Variants in CCDC7 observed in about 807,000 individuals in gnomAD.
CCDC7 encodes the protein coiled-coil domain-containing protein 7.
CCDC7 carries 183 observed loss-of-function variants against 196.9 expected under a neutral mutation model. The observed-to-expected ratio is 0.93, with a 90% CI of 0.82 to 1.05. The LOEUF (loss-of-function observed/expected upper bound fraction) is 1.05. Among genes scored for constraint, CCDC7 ranks in the 50% least tolerant of loss-of-function variants. CCDC7 has a pLI of 0.00. For missense variants in CCDC7, 1,540 were observed against 1,482.2 expected (o/e 1.04, Z -0.64); for synonymous variants, 525 against 484.6 (o/e 1.08, Z -1.10).
chr10:32,682,930 C>A (rs56310229), intron 21 of CCDC7, among the ~76,000 whole-genome samples: 1 of 152,002 alleles, frequency 6.6e-6, no homozygotes, highest in Non-Finnish European at 1.5e-5. Context: ...AATATTTTCT[C>A]CTATTCTGTA....
intron 13 of CCDC7, among the ~76,000 whole-genome samples, chr10:32,562,136 C>T (rs1047494829): frequency 1.3e-5 from 2 of 152,116 alleles, no homozygotes; most frequent in African/African-American, 4.8e-5. Context: ...GAATAACAGG[C>T]TCTGAAATTG....
At chr10:32,652,438 C>T (rs986247708) in intron 20 of CCDC7, among the ~76,000 whole-genome samples, 1 of 152,018 alleles carries the variant, frequency 6.6e-6, no homozygotes, top group Non-Finnish European at 1.5e-5. Flanking sequence ...TAAGGTCTTA[C>T]TATTGATATT....
At chr10:32,447,850 A>C (rs1244289859), upstream of CCDC7, among the ~76,000 whole-genome samples, 1 of 152,196 alleles carries the variant, frequency 6.6e-6, no homozygotes, top group Admixed American at 6.5e-5. Context: ...TGCAGTGAGC[A>C]AGATTGTGCC....
chr10:32,865,402 TAC>T (rs57916933), intron 41 of CCDC7, among the ~76,000 whole-genome samples: 24,451 of 148,718 alleles, frequency 0.16, 2,333 homozygotes, highest in East Asian at 0.32. Context: ...ACTCCTATTA[TAC>T]ACACACACAC....
intron 39 of CCDC7, among the ~76,000 whole-genome samples, chr10:32,850,680 G>A (rs961555636): frequency 3.3e-5 from 5 of 151,940 alleles, no homozygotes; most frequent in East Asian, 1.9e-4. Flanking sequence ...CAAAGACCAC[G>A]ATATTGTGAT....
intron 13 of CCDC7, among the ~76,000 whole-genome samples, chr10:32,545,905 C>CAA (rs11326989): frequency 1.0e-3 from 64 of 64,002 alleles, no homozygotes; most frequent in African/African-American, 1.1e-3. Flanking sequence ...AACTCCGTCT[C>CAA]AAAAAAAAAA....
At chr10:32,480,456 A>C (rs1238361028) in intron 8 of CCDC7, among the ~76,000 whole-genome samples, 1 of 151,984 alleles carries the variant, frequency 6.6e-6, no homozygotes, top group Middle Eastern at 3.2e-3. Context: ...TTAGTAGCTG[A>C]TATTGCAAGT....
intron 13 of CCDC7, among the ~76,000 whole-genome samples, chr10:32,548,863 C>G (rs904659502): frequency 6.6e-6 from 1 of 152,208 alleles, no homozygotes; most frequent in African/African-American, 2.4e-5. Context: ...AATTGTGCTG[C>G]TATAAACATG....
intron 18 of CCDC7, among the ~76,000 whole-genome samples, chr10:32,593,494 A>G (rs1251969022): frequency 6.6e-6 from 1 of 152,154 alleles, no homozygotes; most frequent in Non-Finnish European, 1.5e-5. Flanking sequence ...CCCATTCTGT[A>G]GGTTGCCTGT....
chr10:32,882,428 G>A (rs1465638362), intron 22 of CCDC7, among the ~76,000 whole-genome samples: 1 of 152,148 alleles, frequency 6.6e-6, no homozygotes, highest in Non-Finnish European at 1.5e-5. Context: ...GTTGAGAAGA[G>A]GGCGTAGAGA....
chr10:32,571,825 G>A, intron 15 of CCDC7, 34 bp from the exon 17 acceptor site: 1 of 1,514,118 alleles, frequency 6.6e-7, no homozygotes, highest in Non-Finnish European at 8.8e-7. Flanking sequence ...ATGCATACTT[G>A]ATATTTTTAA....
intron 13 of CCDC7, among the ~76,000 whole-genome samples, chr10:32,553,397 C>T (rs143639974): frequency 0.037 from 5,598 of 152,148 alleles, 112 homozygotes; most frequent in Non-Finnish European, 0.05. Flanking sequence ...AACTAACCTC[C>T]GGAATTCTTT....
chr10:32,870,277 G>A (rs2094380132), intron 41 of CCDC7, among the ~76,000 whole-genome samples: 1 of 152,124 alleles, frequency 6.6e-6, no homozygotes, highest in African/African-American at 2.4e-5. Flanking sequence ...ATTTCACTGA[G>A]CAGTGGTTTG....
At chr10:32,834,749 C>G in intron 32 of CCDC7, 66 bp from the exon 34 acceptor site, 1 of 667,896 alleles carries the variant, frequency 1.5e-6, no homozygotes, top group Non-Finnish European at 2.7e-6. Context: ...ATCACATACA[C>G]ACAGCACGGA....
chr10:32,756,599 G>A (rs548975104), intron 28 of CCDC7, among the ~76,000 whole-genome samples: 2 of 152,288 alleles, frequency 1.3e-5, no homozygotes, highest in Admixed American at 1.3e-4. Context: ...GCTACTGAAG[G>A]AAGCACTAAA....
intron 28 of CCDC7, among the ~76,000 whole-genome samples, chr10:32,746,511 G>A (rs1011042235): frequency 2.6e-5 from 4 of 152,168 alleles, no homozygotes; most frequent in Non-Finnish European, 4.4e-5. Context: ...TGCTTCTCTA[G>A]GTGGCTTTGA....
At chr10:32,672,417 G>T (rs983874410) in intron 21 of CCDC7, among the ~76,000 whole-genome samples, 3 of 152,120 alleles carry the variant, frequency 2.0e-5, no homozygotes, top group Non-Finnish European at 4.4e-5. Context: ...AGGTGTGGGT[G>T]GGTTCAATGT....
chr10:32,500,227 G>A (rs917171103), intron 9 of CCDC7, among the ~76,000 whole-genome samples: 7 of 151,548 alleles, frequency 4.6e-5, no homozygotes, highest in African/African-American at 1.7e-4. Flanking sequence ...GGCCTGGCGG[G>A]GGCTGCCCCC....
intron 20 of CCDC7, among the ~76,000 whole-genome samples, chr10:32,652,141 T>C (rs942850762): frequency 1.3e-5 from 2 of 152,194 alleles, no homozygotes; most frequent in Admixed American, 6.5e-5. Flanking sequence ...TTCTGTTGTA[T>C]TGAGCCCTTT....
Sources: allele counts gnomAD v4.1 joint callset (sites outside exome capture counted in the v4.1 genomes callset), GRCh38; gene constraint gnomAD v4.1.1; transcripts MANE v1.5; gene names NCBI Gene and HGNC (gene_info 2026-07-23, HGNC 2026-07-21).